The following NOS1AP variants were observed in gnomAD, a reference collection of about 807,000 sequenced individuals.
NOS1AP encodes nitric oxide synthase 1 adaptor protein, also known as carboxyl-terminal PDZ ligand of neuronal nitric oxide synthase protein.
In NOS1AP, 21 loss-of-function variants were observed where a neutral mutation model predicts 56.2. The ratio of observed to expected loss-of-function variants is 0.37; its 90% confidence interval spans 0.26 to 0.54. NOS1AP has a LOEUF of 0.54. Among genes scored for constraint, NOS1AP ranks in the 20% least tolerant of loss-of-function variants. NOS1AP has a pLI of 0.84. For synonymous variants in NOS1AP, 270 were observed against 274.6 expected, an observed-to-expected ratio of 0.98 and a Z score of 0.17; for missense variants, 522 against 657.8, an observed-to-expected ratio of 0.79 and a Z score of 2.26.
intron 1 of NOS1AP, among the ~76,000 whole-genome samples, chr1:162,133,743 T>C (rs1201507578): frequency 6.6e-6 from 1 of 152,260 alleles, no homozygotes; most frequent in Non-Finnish European, 1.5e-5. Context: ...CTTAATCTTA[T>C]TGTCTGCCTT....
chr1:162,322,007 T>A (rs1002544216), intron 4 of NOS1AP, among the ~76,000 whole-genome samples: 2 of 152,186 alleles, frequency 1.3e-5, no homozygotes, highest in South Asian at 4.2e-4. Flanking sequence ...ACTCCAGCCT[T>A]GCGCAATATA....
intron 2 of NOS1AP, among the ~76,000 whole-genome samples, chr1:162,206,910 A>G (rs939066337): frequency 6.6e-6 from 1 of 152,198 alleles, no homozygotes; most frequent in Admixed American, 6.5e-5. Context: ...CATCCTATAA[A>G]TGGTAAGAGG....
intron 3 of NOS1AP, among the ~76,000 whole-genome samples, chr1:162,293,628 T>C (rs1655345183): frequency 6.6e-6 from 1 of 152,224 alleles, no homozygotes; most frequent in South Asian, 2.1e-4. Context: ...ATATCAAAGA[T>C]GCGCTTACCC....
intron 2 of NOS1AP, among the ~76,000 whole-genome samples, chr1:162,270,853 T>G (rs779911589): frequency 1.6e-4 from 25 of 152,066 alleles, no homozygotes; most frequent in Non-Finnish European, 2.8e-4. Flanking sequence ...TGGGCAGAGG[T>G]TGGTTGGCAT....
intron 1 of NOS1AP, among the ~76,000 whole-genome samples, chr1:162,085,038 C>T (rs1691973001): frequency 6.6e-6 from 1 of 152,098 alleles, no homozygotes; most frequent in Admixed American, 6.5e-5. Context: ...TACTGTGCTG[C>T]CCCTTTCCTG....
At chr1:162,295,818 T>C (rs1181318217) in intron 3 of NOS1AP, among the ~76,000 whole-genome samples, 1 of 152,182 alleles carries the variant, frequency 6.6e-6, no homozygotes. Context: ...AGTCCAAACA[T>C]CAGGAGAATT....
chr1:162,137,727 C>T (rs1649063845), intron 1 of NOS1AP, among the ~76,000 whole-genome samples: 1 of 151,992 alleles, frequency 6.6e-6, no homozygotes, highest in Non-Finnish European at 1.5e-5. Context: ...CAGGGTCTCC[C>T]TTGAGCCTTC....
chr1:162,211,223 G>T (rs1290517364), intron 2 of NOS1AP, among the ~76,000 whole-genome samples: 2 of 152,196 alleles, frequency 1.3e-5, no homozygotes, highest in Non-Finnish European at 2.9e-5. Context: ...TTGAACAAGA[G>T]AAATTTATTT....
At chr1:162,095,583 G>A (rs1235610544) in intron 1 of NOS1AP, among the ~76,000 whole-genome samples, 1 of 152,212 alleles carries the variant, frequency 6.6e-6, no homozygotes, top group African/African-American at 2.4e-5. Flanking sequence ...AATTCAGAAT[G>A]TTAAATTGTC....
chr1:162,341,828 C>G (rs752104329), intron 5 of NOS1AP, among the ~76,000 whole-genome samples: 1 of 152,160 alleles, frequency 6.6e-6, no homozygotes, highest in Non-Finnish European at 1.5e-5. Flanking sequence ...AGCTTCCTGG[C>G]ACAGCCTCCT....
intron 2 of NOS1AP, among the ~76,000 whole-genome samples, chr1:162,236,693 TC>T (rs1273939387): frequency 6.6e-6 from 1 of 152,238 alleles, no homozygotes; most frequent in Non-Finnish European, 1.5e-5. Flanking sequence ...GCAGGTGTAT[TC>T]CTGCATTCCT....
At chr1:162,260,176 T>C (rs182519989) in intron 2 of NOS1AP, among the ~76,000 whole-genome samples, 128 of 152,224 alleles carry the variant, frequency 8.4e-4, no homozygotes, top group African/African-American at 3.0e-3. Context: ...ACTTGAAATA[T>C]ATACGACTGA....
At position 162,356,825 on chromosome 1, in the gene NOS1AP, T is replaced by G. The variant is rs1657718972; in HGVS notation, c.763-135T>G. 6.6e-5 allele frequency: 105 copies of G among 1,581,924 alleles called. 2 individuals carry two copies. In the South Asian group the frequency reaches 1.1e-3, roughly 17 times the overall value. On this transcript the variant is annotated intron_variant, in intron 7 of 9. Coordinates refer to ENST00000361897, the MANE Select transcript of NOS1AP (RefSeq NM_014697.3). ...TTCTGGGCCTCTACTCCCATTTCCA[T>G]TGAAGATATAGTGCTGTCAGCTTAT...
At chr1:162,209,522 A>C (rs141918976) in intron 2 of NOS1AP, among the ~76,000 whole-genome samples, 1 of 152,190 alleles carries the variant, frequency 6.6e-6, no homozygotes, top group African/African-American at 2.4e-5. Flanking sequence ...GGACTTGAAC[A>C]AGTCAGTTTC....
intron 1 of NOS1AP, among the ~76,000 whole-genome samples, chr1:162,123,019 G>A (rs1015758030): frequency 6.6e-5 from 10 of 152,068 alleles, no homozygotes; most frequent in African/African-American, 2.2e-4. Flanking sequence ...GAATCTATTC[G>A]ACGAGTATTT....
At chr1:162,286,137 G>C (rs1473248078) in intron 2 of NOS1AP, among the ~76,000 whole-genome samples, 7 of 152,224 alleles carry the variant, frequency 4.6e-5, no homozygotes, top group African/African-American at 1.7e-4. Context: ...ACAGTGAAGA[G>C]AAGGTTCTGG....
chr1:162,364,069 G>A (rs1300178059), intron 8 of NOS1AP: 1 of 985,320 alleles, frequency 1.0e-6, no homozygotes, highest in African/African-American at 1.7e-5. Context: ...TTGGCCAAGG[G>A]TGGCCAACTG....
intron 3 of NOS1AP, among the ~76,000 whole-genome samples, chr1:162,290,971 T>G (rs1392489245): frequency 6.6e-6 from 1 of 151,750 alleles, no homozygotes; most frequent in Non-Finnish European, 1.5e-5. Context: ...GGTGTTTGTG[T>G]GTATATATAG....
At chr1:162,267,353 G>A (rs1012921514) in intron 2 of NOS1AP, among the ~76,000 whole-genome samples, 14 of 152,178 alleles carry the variant, frequency 9.2e-5, no homozygotes, top group African/African-American at 2.9e-4. Context: ...GTTAAACCTG[G>A]TGGATCCGTG....
Sources: gnomAD v4.1 joint callset for allele counts (sites outside exome capture counted in the v4.1 genomes callset) on GRCh38, gnomAD v4.1.1 for gene constraint, MANE v1.5 for transcripts, NCBI Gene and HGNC (gene_info 2026-07-23, HGNC 2026-07-21) for gene names.